FANCM: variants seen among roughly 807,000 people sequenced by gnomAD.
The protein encoded by FANCM is Fanconi anemia group M protein.
A neutral mutation model predicts 199.5 loss-of-function variants in FANCM; 140 were observed. That is an observed-to-expected ratio of 0.70 (90% CI 0.61 to 0.81). FANCM has a LOEUF of 0.81. FANCM is among the 30% of genes least tolerant of loss of function. The pLI is 0.00. For missense variants in FANCM, 2,410 were observed against 2,421.4 expected (o/e 1.00, Z 0.10); for synonymous variants, 840 against 836.8 (o/e 1.00, Z -0.07).
At position 45,183,805 on chromosome 14, in the gene FANCM, A is replaced by G. The variant is rs1352870918; in HGVS notation, c.4418A>G (p.Asn1473Ser). 1 of 1,609,898 alleles carries G rather than the reference A, an allele frequency of 6.2e-7. No homozygotes were observed. Among genetic ancestry groups the G allele is most frequent in the Admixed American group, 1.7e-5 (1 of 59,974 alleles). The change falls in exon 17 of 23, where the codon AAT becomes AGT. Residue 1473 changes from asparagine to serine, a missense_variant. Coordinates refer to ENST00000267430, the MANE Select transcript of FANCM (RefSeq NM_020937.4). ...SELSSSDESENFPKPCSQLED... is the reference protein window; with the variant it reads ...SELSSSDESESFPKPCSQLED... ...TTATCATCTAGTGATGAGAGTGAGA[A>G]TTTTCCCAAACCATGTTCACAATTA...
rs146941592 is a variant in FANCM at position 45,167,001 on chromosome 14, A to T, written c.1840A>T (p.Ser614Cys). The change falls in exon 11 of 23, where the codon AGT becomes TGT. Residue 614 changes from serine to cysteine, a missense_variant. Transcript: ENST00000267430. ...NKRSIYKAIS[S>C]NRQVLHFYQR... is the part of the protein sequence containing the mutation. ...AAGAAGTATATATAAAGCTATTTCAAGTAACAGGCAGGTCCTTCATTTTTA... is the reference window on the plus strand; with the variant it reads ...AAGAAGTATATATAAAGCTATTTCATGTAACAGGCAGGTCCTTCATTTTTA... 4 of 1,610,084 alleles carry T rather than the reference A, an allele frequency of 2.5e-6. No individual in the cohort carries two copies. In the South Asian group the frequency reaches 4.4e-5, roughly 18 times the overall value.
intron 19 of FANCM, 88 bp from the exon 20 acceptor site, chr14:45,188,714 A>C (rs1218541678): frequency 6.3e-6 from 6 of 948,030 alleles, no homozygotes; most frequent in Non-Finnish European, 9.9e-6. Flanking sequence ...ACAAATATTA[A>C]TGCAGATTTC....
chr14:45,188,457 A>G (rs1889548142), intron 19 of FANCM, among the ~76,000 whole-genome samples: 1 of 152,190 alleles, frequency 6.6e-6, no homozygotes, highest in Non-Finnish European at 1.5e-5. Context: ...TTTTCATATT[A>G]GTTGTGTTTG....
At chr14:45,136,782 C>T (rs898242693) in intron 1 of FANCM, among the ~76,000 whole-genome samples, 5 of 152,210 alleles carry the variant, frequency 3.3e-5, no homozygotes, top group African/African-American at 1.2e-4. Context: ...ATGATATTTC[C>T]TGGCATTCTT....
chr14:45,170,460 A>G, intron 11 of FANCM, 129 bp from the exon 12 acceptor site: 1 of 631,312 alleles, frequency 1.6e-6, no homozygotes. Context: ...CAGGAGTTTG[A>G]GGTTACAGTG....
chr14:45,160,959 C>T (rs568903228), intron 9 of FANCM, among the ~76,000 whole-genome samples: 9 of 151,868 alleles, frequency 5.9e-5, no homozygotes, highest in Admixed American at 2.6e-4. Context: ...ATTATCAAGT[C>T]AGATTATACA....
chr14:45,173,341 G>C (rs765972393), intron 13 of FANCM, 131 bp downstream of exon 13: 35 of 802,858 alleles, frequency 4.4e-5, no homozygotes, highest in Non-Finnish European at 7.0e-5. Context: ...TCTCAGTAAA[G>C]AATGAGTTTT....
intron 3 of FANCM, among the ~76,000 whole-genome samples, chr14:45,146,925 C>T (rs1886437777): frequency 7.1e-6 from 1 of 140,254 alleles, no homozygotes; most frequent in South Asian, 2.3e-4. Context: ...TTGTTATTTT[C>T]TTCTTAACAT....
At chr14:45,139,903 T>C (rs1339188473) in intron 2 of FANCM, among the ~76,000 whole-genome samples, 1 of 152,108 alleles carries the variant, frequency 6.6e-6, no homozygotes, top group Non-Finnish European at 1.5e-5. Flanking sequence ...GAGGATCACT[T>C]GAGCCCCAGA....
In FANCM at chr14:45,135,957, G is replaced by T; in HGVS notation, c.-75G>T. ...AGAGTTTTGTGCGAAGGAAACCGAT[G>T]GGGATCGGAACCGTAGCGGTTGAGC... is the stretch of plus-strand genomic sequence containing the variant. On this transcript the variant is annotated 5_prime_UTR_variant, in exon 1 of 23. It removes an upstream start codon present in the reference 5' UTR. Coordinates refer to ENST00000267430, the MANE Select transcript of FANCM (RefSeq NM_020937.4). The T allele has an allele frequency of 1.3e-6, 2 of 1,512,540 alleles. No individual in the cohort carries two copies. The highest frequency in any genetic ancestry group is 1.8e-6 in the Non-Finnish European group (2 of 1,092,282). 93.7% of individuals were successfully genotyped at this position (1,512,540 alleles called of 1,614,324 possible).
rs371486598 is a variant in FANCM, at chr14:45,181,637, G to A, written c.4318G>A (p.Asp1440Asn). The change falls in exon 16 of 23, where the codon GAT (aspartate) becomes AAT (asparagine). Residue 1440 changes from aspartate to asparagine, a missense_variant and splice_region_variant. Asp to Asn is a conservative substitution (Grantham distance 23). Transcript: ENST00000267430. ...CTTTTACTTTATTTACTTACTTTAGGATCAGAAAAATAGTGAAGTTGATTC... is the reference window on the plus strand; with the variant it reads ...CTTTTACTTTATTTACTTACTTTAGAATCAGAAAAATAGTGAAGTTGATTC... ...AKGNVLNSPE[D>N]QKNSEVDSPL... is the part of the protein sequence containing the mutation. 1.2e-6 allele frequency: 2 copies of A among 1,609,598 alleles called. No individual in the cohort carries two copies. Among genetic ancestry groups the A allele is most frequent in the Non-Finnish European group, 1.7e-6 (2 of 1,176,510 alleles).
At chr14:45,154,089 T>A in intron 6 of FANCM, 37 bp downstream of exon 6, 2 of 1,444,572 alleles carry the variant, frequency 1.4e-6, no homozygotes, top group Non-Finnish European at 1.9e-6. Context: ...AATAATGACA[T>A]GTATTATTTT....
At chr14:45,138,807 C>T (rs543857540) in intron 2 of FANCM, among the ~76,000 whole-genome samples, 3 of 152,182 alleles carry the variant, frequency 2.0e-5, no homozygotes, top group Admixed American at 1.3e-4. Context: ...CAGCTTACAC[C>T]GCATTGAATA....
intron 11 of FANCM, among the ~76,000 whole-genome samples, chr14:45,169,724 A>G (rs1566755297): frequency 2.6e-5 from 4 of 151,958 alleles, no homozygotes; most frequent in South Asian, 2.1e-4. Flanking sequence ...TAGCGTCTCA[A>G]TTTTTCTGCT....
At chr14:45,166,582 C>G (rs1201966194) in intron 10 of FANCM, among the ~76,000 whole-genome samples, 1 of 152,056 alleles carries the variant, frequency 6.6e-6, no homozygotes, top group East Asian at 1.9e-4. Flanking sequence ...GAGTTCAAGA[C>G]TAGCCTGGGC....
intron 3 of FANCM, among the ~76,000 whole-genome samples, chr14:45,142,814 T>C (rs567154821): frequency 2.0e-5 from 3 of 152,234 alleles, no homozygotes. Context: ...TTGCCTTTTT[T>C]ACTTGTGTTG....
chr14:45,141,459 C>A (rs1023438661), intron 3 of FANCM, among the ~76,000 whole-genome samples: 1 of 149,252 alleles, frequency 6.7e-6, no homozygotes, highest in East Asian at 2.0e-4. Flanking sequence ...TCAGTGGTTG[C>A]AGGACTCCCC....
At chr14:45,162,271 A>T (rs1186048353) in intron 9 of FANCM, among the ~76,000 whole-genome samples, 1 of 152,198 alleles carries the variant, frequency 6.6e-6, no homozygotes, top group African/African-American at 2.4e-5. Flanking sequence ...CTATAATCTC[A>T]GCTACTTGGG....
chr14:45,183,864 A>G lies in FANCM; in HGVS notation c.4477A>G (p.Arg1493Gly), dbSNP rs1476248023. The change falls in exon 17 of 23, where the codon AGA becomes GGA. Residue 1493 changes from arginine (R) to glycine (G), a missense_variant. By Grantham distance (125) the Arg-to-Gly change is moderately radical (BLOSUM62 -2). Transcript: ENST00000267430. The stretch of plus-strand genomic sequence containing the variant: ...CAAGGTTTGTAACGGGAATGCCAGA[A>G]GAGGCATCAAAGTCCCAAAGAGACA... Reference protein sequence around the residue: ...DFKVCNGNARRGIKVPKRQSH... With the variant: ...DFKVCNGNARGGIKVPKRQSH... 2 of 1,611,932 alleles carry G rather than the reference A, an allele frequency of 1.2e-6. No individual in the cohort carries two copies. Among genetic ancestry groups the G allele is most frequent in the Admixed American group, 1.7e-5 (1 of 59,980 alleles).
Sources: gnomAD v4.1 joint callset for allele counts (sites outside exome capture counted in the v4.1 genomes callset) on GRCh38, gnomAD v4.1.1 for gene constraint, MANE v1.5 for transcripts, NCBI Gene and HGNC (gene_info 2026-07-23, HGNC 2026-07-21) for gene names.